DEPDC5: variants seen among roughly 807,000 people sequenced by gnomAD.
DEPDC5 encodes the protein GATOR1 complex protein DEPDC5.
Under a neutral mutation model 217.3 loss-of-function variants are expected in DEPDC5, and 73 were observed. That is an observed-to-expected ratio of 0.34 (90% CI 0.28 to 0.41). The LOEUF (loss-of-function observed/expected upper bound fraction) is 0.41, where lower values mean the gene tolerates loss of function less well. Ranked by LOEUF, DEPDC5 falls within the 10% of genes least tolerant of loss-of-function variation. The pLI is 1.00. For synonymous variants in DEPDC5, 733 were observed against 756.7 expected (o/e 0.97, Z 0.51); for missense variants, 1,675 against 2,070.1 (o/e 0.81, Z 3.70).
chr22:31,889,687 C>T (rs1489825163), intron 38 of DEPDC5, among the ~76,000 whole-genome samples: 2 of 151,804 alleles, frequency 1.3e-5, no homozygotes, highest in Non-Finnish European at 2.9e-5. Flanking sequence ...ACTACAGGCA[C>T]CCGCCACCAT....
At chr22:31,843,573 A>G in intron 28 of DEPDC5, 72 bp from the exon 29 acceptor site, 1 of 1,531,024 alleles carries the variant, frequency 6.5e-7, no homozygotes, top group South Asian at 1.2e-5. Flanking sequence ...GTGTATAGAG[A>G]TAGAAAATAA....
intron 20 of DEPDC5, among the ~76,000 whole-genome samples, chr22:31,813,205 G>C (rs12165680): frequency 0.069 from 10,498 of 152,202 alleles, 445 homozygotes; most frequent in South Asian, 0.18. Context: ...GCTGTCAGCA[G>C]CCTCTCTCCT....
intron 7 of DEPDC5, among the ~76,000 whole-genome samples, chr22:31,772,736 A>G (rs561377749): frequency 1.1e-4 from 17 of 149,572 alleles, no homozygotes; most frequent in Non-Finnish European, 2.2e-4. Flanking sequence ...GATCTCTCTC[A>G]TTTTTTTTTC....
chr22:31,869,602 A>T (rs1239093841), intron 33 of DEPDC5, among the ~76,000 whole-genome samples: 1 of 148,848 alleles, frequency 6.7e-6, no homozygotes, highest in Non-Finnish European at 1.5e-5. Flanking sequence ...ATAGGTTTTT[A>T]GCCACTAGTT....
intron 38 of DEPDC5, among the ~76,000 whole-genome samples, chr22:31,892,165 A>G (rs111982579): frequency 0.022 from 3,306 of 152,262 alleles, 38 homozygotes; most frequent in Middle Eastern, 0.034. Context: ...ACTGAAATAA[A>G]AAGATCTGGG....
intron 29 of DEPDC5, 33 bp from the exon 30 acceptor site, chr22:31,844,985 C>G: frequency 5.0e-6 from 8 of 1,609,692 alleles, no homozygotes; most frequent in Non-Finnish European, 6.8e-6. Context: ...TCCTTTCTCT[C>G]ACCACCACCC....
chr22:31,896,779 G>A (rs1260376510), intron 39 of DEPDC5, among the ~76,000 whole-genome samples: 5 of 152,120 alleles, frequency 3.3e-5, no homozygotes, highest in Non-Finnish European at 5.9e-5. Context: ...CTCTCAGCCA[G>A]CCTGAGTGAG....
At chr22:31,894,954 C>T (rs1374990349) in intron 39 of DEPDC5, 2 of 151,734 alleles carry the variant, frequency 1.3e-5, no homozygotes, top group African/African-American at 4.8e-5. Flanking sequence ...CCAGCCTGAC[C>T]AACATGGAGA....
chr22:31,806,217 G>C, intron 18 of DEPDC5, 26 bp downstream of exon 18: 1 of 1,595,912 alleles, frequency 6.3e-7, no homozygotes, highest in Non-Finnish European at 8.6e-7. Flanking sequence ...TGTTAAGACG[G>C]GGTCTTATTA....
chr22:31,885,975 T>A (rs1398199586), intron 38 of DEPDC5, among the ~76,000 whole-genome samples: 1 of 149,826 alleles, frequency 6.7e-6, no homozygotes, highest in Non-Finnish European at 1.5e-5. Context: ...GGAGGTTGCA[T>A]TGAGCCAAGA....
At chr22:31,811,791 C>T (rs2088377229) in intron 20 of DEPDC5, among the ~76,000 whole-genome samples, 4 of 152,036 alleles carry the variant, frequency 2.6e-5, no homozygotes, top group Admixed American at 2.0e-4. Flanking sequence ...AGCCATCCTC[C>T]CGCCTTAGTC....
chr22:31,798,916 T>C (rs145512526), intron 14 of DEPDC5, among the ~76,000 whole-genome samples: 41 of 152,282 alleles, frequency 2.7e-4, no homozygotes, highest in African/African-American at 8.9e-4. Flanking sequence ...TGGTTGTTTA[T>C]ATATAACAAA....
chr22:31,760,244 A>G (rs945036093), intron 3 of DEPDC5, among the ~76,000 whole-genome samples: 13 of 151,152 alleles, frequency 8.6e-5, no homozygotes, highest in African/African-American at 2.2e-4. Flanking sequence ...ATTTTTTTGT[A>G]TTTTTAGGAG....
chr22:31,778,932 G>T (rs1394731302), intron 8 of DEPDC5, among the ~76,000 whole-genome samples: 2 of 152,118 alleles, frequency 1.3e-5, no homozygotes, highest in Non-Finnish European at 2.9e-5. Flanking sequence ...TGTGCCATTG[G>T]CATCTAGTGA....
rs778199056 is a variant in DEPDC5 at position 31,833,896 on chromosome 22, T to C, written c.2105-19T>C. 2.6e-6 allele frequency: 4 copies of C among 1,520,650 alleles called. No homozygotes were observed. The East Asian group carries it at 9.1e-5, about 35-fold the overall frequency. The allele number at this position is 1,520,650 out of a possible 1,614,324, so 94.2% of individuals were successfully genotyped here. On this transcript the variant is annotated intron_variant, in intron 24 of 42. Coordinates refer to ENST00000651528, the MANE Select transcript of DEPDC5 (RefSeq NM_001242896.3). ...CAGAGTGAGCCTTCTTAAGACAAGCTGTTTTTATCTTTCCATAGGTATGAA... is the reference window on the plus strand; with the variant it reads ...CAGAGTGAGCCTTCTTAAGACAAGCCGTTTTTATCTTTCCATAGGTATGAA...
intron 7 of DEPDC5, chr22:31,769,622 T>G (rs577180810): frequency 3.4e-4 from 51 of 152,162 alleles, no homozygotes; most frequent in African/African-American, 1.2e-3. Flanking sequence ...AAATCCCCTT[T>G]AAATTCAAAA....
chr22:31,865,304 C>T (rs2149190859), intron 33 of DEPDC5, among the ~76,000 whole-genome samples: 1 of 152,158 alleles, frequency 6.6e-6, no homozygotes, highest in African/African-American at 2.4e-5. Flanking sequence ...TCAGCCTGGG[C>T]AACACAGTGA....
chr22:31,796,139 C>A (rs1015109696), intron 12 of DEPDC5, among the ~76,000 whole-genome samples: 1 of 143,280 alleles, frequency 7.0e-6, no homozygotes, highest in Non-Finnish European at 1.5e-5. Flanking sequence ...CTCGCTCTGT[C>A]GCCCAGGCTG....
At chr22:31,876,623 T>G (rs2092998583) in intron 37 of DEPDC5, among the ~76,000 whole-genome samples, 1 of 152,288 alleles carries the variant, frequency 6.6e-6, no homozygotes, top group Non-Finnish European at 1.5e-5. Context: ...TATCATGGGC[T>G]CCAGTCTGTG....
Sources: gnomAD v4.1 joint callset for allele counts (sites outside exome capture counted in the v4.1 genomes callset) on GRCh38, gnomAD v4.1.1 for gene constraint, MANE v1.5 for transcripts, NCBI Gene and HGNC (gene_info 2026-07-23, HGNC 2026-07-21) for gene names.